The following PRRX2 variants were observed in gnomAD, a reference collection of about 807,000 sequenced individuals.
PRRX2 encodes the protein paired mesoderm homeobox protein 2.
A neutral mutation model predicts 18.0 loss-of-function variants in PRRX2; 11 were observed. The observed-to-expected ratio is 0.61, with a 90% CI of 0.39 to 1.01. The LOEUF (loss-of-function observed/expected upper bound fraction) is 1.01. Among genes scored for constraint, PRRX2 ranks in the 50% least tolerant of loss-of-function variants. PRRX2 has a pLI of 0.01. For missense variants in PRRX2, 387 were observed against 351.0 expected, an observed-to-expected ratio of 1.10 and a Z score of -0.82; for synonymous variants, 177 against 154.8, an observed-to-expected ratio of 1.14 and a Z score of -1.06.
intron 1 of PRRX2, among the ~76,000 whole-genome samples, chr9:129,705,362 G>GC (rs1311278732): frequency 6.6e-6 from 1 of 152,136 alleles, no homozygotes; most frequent in East Asian, 1.9e-4. Context: ...TCTGGCCTTG[G>GC]CCCCCCTGGC....
intron 1 of PRRX2, among the ~76,000 whole-genome samples, chr9:129,687,333 G>A (rs903212800): frequency 1.3e-5 from 2 of 152,188 alleles, no homozygotes; most frequent in African/African-American, 2.4e-5. Context: ...GTTGTTCAGC[G>A]GGCCCCTCGG....
chr9:129,719,536 A>C lies in PRRX2; in HGVS notation c.447+118A>C, dbSNP rs1001046822. 14 of 1,271,046 alleles carry C rather than the reference A, an allele frequency of 1.1e-5. No individual in the cohort carries two copies. The African/African-American group carries it at 2.2e-4, about 20-fold the overall frequency. 78.7% of individuals were successfully genotyped at this position (1,271,046 alleles called of 1,614,324 possible). ...TGTTTGAGCAGGAGCATCTGAGGCC[A>C]GGAGGACGGGGGTTCAGATCCCAGC... On this transcript the variant is annotated intron_variant, in intron 2 of 3. Coordinates refer to ENST00000372469, the MANE Select transcript of PRRX2 (RefSeq NM_016307.4).
intron 1 of PRRX2, among the ~76,000 whole-genome samples, chr9:129,710,252 G>T (rs530995198): frequency 6.6e-6 from 1 of 152,142 alleles, no homozygotes; most frequent in Non-Finnish European, 1.5e-5. Flanking sequence ...AACAGCGGCC[G>T]GGCAGCCCTG....
intron 1 of PRRX2, among the ~76,000 whole-genome samples, chr9:129,667,046 C>T (rs1832035343): frequency 1.3e-5 from 2 of 152,186 alleles, no homozygotes; most frequent in Admixed American, 1.3e-4. Flanking sequence ...GGCTGCGTTC[C>T]TTGGCTTTTC....
chr9:129,666,258 G>A, intron 1 of PRRX2, 132 bp downstream of exon 1: 2 of 728,252 alleles, frequency 2.7e-6, no homozygotes, highest in Non-Finnish European at 3.4e-6. Flanking sequence ...ACTTCTGGGG[G>A]CGCGTGTAAG....
intron 1 of PRRX2, among the ~76,000 whole-genome samples, chr9:129,703,133 C>T (rs1317489457): frequency 6.6e-6 from 1 of 152,252 alleles, no homozygotes; most frequent in Non-Finnish European, 1.5e-5. Flanking sequence ...TCTGAGCATG[C>T]ACCCCACTGG....
chr9:129,666,174 C>A, intron 1 of PRRX2, 48 bp downstream of exon 1: 1 of 997,082 alleles, frequency 1.0e-6, no homozygotes, highest in Non-Finnish European at 1.2e-6. Context: ...GGGGCCGGGG[C>A]CGGGGCCGGG....
chr9:129,717,014 G>A (rs954917348), intron 1 of PRRX2, among the ~76,000 whole-genome samples: 3 of 152,056 alleles, frequency 2.0e-5, no homozygotes, highest in African/African-American at 7.2e-5. Context: ...GTGTGTGCTT[G>A]TCAATTTTTA....
rs182774931 is a variant in PRRX2 at position 129,677,240 on chromosome 9, A to G, written c.259+11114A>G. 3.2e-4 allele frequency among the ~76,000 whole-genome samples: 48 copies of G among 152,340 alleles called. 1 individual carries two copies. In the East Asian group the frequency reaches 6.2e-3, roughly 20 times the overall value. ...TCTCCGAGCTCTAGGATTTATGCAGAGCCTCTCACTGAATCACTCAGCAGC... is the reference window on the plus strand; with the variant it reads ...TCTCCGAGCTCTAGGATTTATGCAGGGCCTCTCACTGAATCACTCAGCAGC... On this transcript the variant is annotated intron_variant, in intron 1 of 3. Transcript: ENST00000372469.
At position 129,666,848 on chromosome 9, in the gene PRRX2, C is replaced by T. The variant is rs573802990; in HGVS notation, c.259+722C>T. Among the ~76,000 whole-genome samples, 16 of 152,316 alleles carry T rather than the reference C, an allele frequency of 1.1e-4. No individual in the cohort carries two copies. In the South Asian group the frequency reaches 2.9e-3, roughly 28 times the overall value. ...GAGGACCGGAGTCCTCGCGGCTCAG[C>T]ACACACTAAGGATGGGGGCCCGGTG... On this transcript the variant is annotated intron_variant, in intron 1 of 3. Transcript: ENST00000372469.
At chr9:129,678,885 C>T (rs905928526) in intron 1 of PRRX2, among the ~76,000 whole-genome samples, 5 of 152,174 alleles carry the variant, frequency 3.3e-5, no homozygotes, top group African/African-American at 9.7e-5. Context: ...CCAGAGCTCG[C>T]TGGGCTGCCC....
intron 1 of PRRX2, among the ~76,000 whole-genome samples, chr9:129,691,931 A>T (rs1256702958): frequency 6.7e-6 from 1 of 150,084 alleles, no homozygotes; most frequent in Non-Finnish European, 1.5e-5. Context: ...CCTAGACGGT[A>T]CTTATTTATT....
intron 1 of PRRX2, among the ~76,000 whole-genome samples, chr9:129,673,535 C>T (rs1832125345): frequency 1.3e-5 from 2 of 152,142 alleles, no homozygotes; most frequent in African/African-American, 2.4e-5. Context: ...CTTATTGCCC[C>T]TATTTTTCTC....
chr9:129,669,473 A>G (rs1832074067), intron 1 of PRRX2, among the ~76,000 whole-genome samples: 1 of 152,258 alleles, frequency 6.6e-6, no homozygotes, highest in African/African-American at 2.4e-5. Flanking sequence ...GGGGACGTGG[A>G]CACACTGGGA....
chr9:129,686,778 C>T (rs936417678), intron 1 of PRRX2, among the ~76,000 whole-genome samples: 3 of 152,180 alleles, frequency 2.0e-5, no homozygotes. Context: ...CCGGATTCGC[C>T]CTCACCACCG....
At chr9:129,679,589 ATC>A (rs1832202730) in intron 1 of PRRX2, among the ~76,000 whole-genome samples, 1 of 152,140 alleles carries the variant, frequency 6.6e-6, no homozygotes, top group African/African-American at 2.4e-5. Flanking sequence ...CTTGACTGTG[ATC>A]TATTCCCTAC....
chr9:129,683,276 C>T (rs1038671998), intron 1 of PRRX2, among the ~76,000 whole-genome samples: 4 of 152,166 alleles, frequency 2.6e-5, no homozygotes, highest in Non-Finnish European at 4.4e-5. Context: ...ATGACACACA[C>T]GGTCTCCCCT....
intron 1 of PRRX2, among the ~76,000 whole-genome samples, chr9:129,693,542 T>A (rs1027652800): frequency 1.3e-5 from 2 of 149,724 alleles, no homozygotes; most frequent in African/African-American, 4.9e-5. Flanking sequence ...TGCAGTGAGC[T>A]GAGATCACGC....
intron 2 of PRRX2, among the ~76,000 whole-genome samples, chr9:129,720,274 T>C (rs1213706218): frequency 7.0e-6 from 1 of 143,208 alleles, no homozygotes; most frequent in African/African-American, 2.7e-5. Flanking sequence ...AGCAAGCGCC[T>C]CTCCCCCCGA....
Sources: gnomAD v4.1 joint callset for allele counts (sites outside exome capture counted in the v4.1 genomes callset) on GRCh38, gnomAD v4.1.1 for gene constraint, MANE v1.5 for transcripts, NCBI Gene and HGNC (gene_info 2026-07-23, HGNC 2026-07-21) for gene names.